Variants in MAGI2 observed in about 807,000 individuals in gnomAD.
MAGI2 encodes the protein membrane-associated guanylate kinase, WW and PDZ domain-containing protein 2.
In MAGI2, 35 loss-of-function variants were observed where a neutral mutation model predicts 133.3. The ratio of observed to expected loss-of-function variants is 0.26; its 90% CI spans 0.20 to 0.35. MAGI2 has a LOEUF of 0.35. MAGI2 is among the 10% of genes least tolerant of loss of function. MAGI2 has a pLI of 1.00. For synonymous variants in MAGI2, 729 were observed against 710.6 expected, an observed-to-expected ratio of 1.03 and a Z score of -0.41; for missense variants, 1,636 against 1,863.4, an observed-to-expected ratio of 0.88 and a Z score of 2.25.
chr7:78,438,192 A>T (rs1191220862), intron 6 of MAGI2, among the ~76,000 whole-genome samples: 2 of 152,122 alleles, frequency 1.3e-5, no homozygotes, highest in Non-Finnish European at 2.9e-5. Context: ...TATTCTGATA[A>T]ACTCTATACT....
chr7:78,905,913 T>C (rs1797962881), intron 2 of MAGI2, among the ~76,000 whole-genome samples: 1 of 152,012 alleles, frequency 6.6e-6, no homozygotes, highest in Admixed American at 6.6e-5. Context: ...AAAGATACCA[T>C]AAAGAAAAGT....
chr7:78,917,709 C>A (rs886272755), intron 2 of MAGI2, among the ~76,000 whole-genome samples: 13 of 152,104 alleles, frequency 8.5e-5, no homozygotes, highest in African/African-American at 3.1e-4. Flanking sequence ...AGTCATGGGC[C>A]ACTTACATAT....
intron 2 of MAGI2, among the ~76,000 whole-genome samples, chr7:78,970,221 C>G (rs924936337): frequency 1.3e-5 from 2 of 152,026 alleles, no homozygotes; most frequent in African/African-American, 4.8e-5. Flanking sequence ...GGTTATAAAT[C>G]ACTAATGAAT....
At chr7:79,353,524 T>C in intron 1 of MAGI2, 1 of 454,778 alleles carries the variant, frequency 2.2e-6, no homozygotes, top group Admixed American at 2.3e-5. Flanking sequence ...AATCATCTCC[T>C]GCAGCTATGG....
At position 78,707,221 on chromosome 7, in the gene MAGI2, T is replaced by A. The variant is rs148943099; in HGVS notation, c.419-79982A>T. 1.8e-4 allele frequency among the ~76,000 whole-genome samples: 27 copies of A among 152,076 alleles called. No individual in the cohort carries two copies. In the East Asian group the frequency reaches 3.7e-3, roughly 21 times the overall value. On this transcript the variant is annotated intron_variant, in intron 2 of 21. Transcript: ENST00000354212. Reference sequence around the variant, plus strand: ...TAGCAAAGAATAAAAGAACCACCCATTAGACCAAGGGAAGGGAAAAAAATG... The same window carrying A: ...TAGCAAAGAATAAAAGAACCACCCAATAGACCAAGGGAAGGGAAAAAAATG...
chr7:78,298,064 T>C (rs1021714350), intron 9 of MAGI2, among the ~76,000 whole-genome samples: 1 of 152,086 alleles, frequency 6.6e-6, no homozygotes, highest in Non-Finnish European at 1.5e-5. Context: ...ATACTTTCGA[T>C]ATGATGTGAT....
chr7:79,136,139 G>A (rs1274310786), intron 1 of MAGI2, among the ~76,000 whole-genome samples: 2 of 149,918 alleles, frequency 1.3e-5, no homozygotes, highest in African/African-American at 2.5e-5. Flanking sequence ...GACACAAAAG[G>A]CACTGTATAC....
chr7:78,491,121 A>G (rs1793564930), intron 5 of MAGI2, among the ~76,000 whole-genome samples: 1 of 152,120 alleles, frequency 6.6e-6, no homozygotes, highest in South Asian at 2.1e-4. Flanking sequence ...TAGCTAGATA[A>G]TCTGATAAAC....
Position 78,019,758 on chromosome 7 carries a change from G to A in MAGI2, c.3925C>T (p.Arg1309Cys). 6 of 1,612,166 alleles carry A rather than the reference G, an allele frequency of 3.7e-6. No individual in the cohort carries two copies. The highest frequency in any genetic ancestry group is 1.3e-5 in the African/African-American group (1 of 74,932). ...GAGCGCTCCCTCTGCTCCCCGAGGC[G>A]CTGCTTCTTCTGGCCGCAGGCTGAA... ...ELSACGQKKQ[R>C]LGEQRERSAS... The change falls in exon 22 of 22, where the codon CGC becomes TGC. Residue 1309 changes from arginine (R) to cysteine (C), a missense_variant. Physicochemically the swap from Arg to Cys is radical, Grantham distance 180. Coordinates refer to ENST00000354212, the MANE Select transcript of MAGI2 (RefSeq NM_012301.4).
chr7:79,199,353 T>C (rs999405160), intron 1 of MAGI2, among the ~76,000 whole-genome samples: 1 of 152,030 alleles, frequency 6.6e-6, no homozygotes, highest in African/African-American at 2.4e-5. Flanking sequence ...CGCTTCCTAC[T>C]AAGATTATAC....
chr7:78,166,443 A>C (rs1825632417), intron 15 of MAGI2, among the ~76,000 whole-genome samples: 1 of 152,230 alleles, frequency 6.6e-6, no homozygotes, highest in African/African-American at 2.4e-5. Context: ...CCCAAGGATA[A>C]GGCATAATTT....
Position 78,171,897 on chromosome 7 carries a change from G to GT in MAGI2, c.2404-3790dup, listed in dbSNP as rs1265168548. Among the ~76,000 whole-genome samples the GT allele has an allele frequency of 8.4e-3, 750 of 88,776 alleles. 3 individuals carry two copies. The highest frequency in any genetic ancestry group is 0.016 in the Admixed American group (133 of 8,224). The allele number at this position is 88,776 out of a possible 152,430, so 58.2% of individuals were successfully genotyped here. A position where few individuals can be genotyped will look rare whatever the true frequency, so the allele number is the denominator to read the frequency against. On this transcript the variant is annotated intron_variant, in intron 14 of 21. Transcript: ENST00000354212. ...TGGAGGAGGGTTTTTTTGTTTGTTTGTTTGTTTTTTTTTCCCTATCCCCAT... is the reference window on the plus strand; with the variant it reads ...TGGAGGAGGGTTTTTTTGTTTGTTTGTTTTGTTTTTTTTTCCCTATCCCCAT...
At chr7:79,210,619 T>C (rs1259438499) in intron 1 of MAGI2, among the ~76,000 whole-genome samples, 1 of 152,030 alleles carries the variant, frequency 6.6e-6, no homozygotes, top group Non-Finnish European at 1.5e-5. Flanking sequence ...ATGGGAAATG[T>C]CCCAGCACTA....
At chr7:78,594,823 C>T (rs1584776581) in intron 3 of MAGI2, among the ~76,000 whole-genome samples, 2 of 152,150 alleles carry the variant, frequency 1.3e-5, no homozygotes, top group South Asian at 4.1e-4. Flanking sequence ...AAGGAGCTCC[C>T]CAAACCTCCA....
At chr7:78,984,988 C>A (rs1016568864) in intron 2 of MAGI2, among the ~76,000 whole-genome samples, 2 of 148,872 alleles carry the variant, frequency 1.3e-5, no homozygotes, top group African/African-American at 4.9e-5. Flanking sequence ...CTCTTTCTTT[C>A]TTCTTTCCTT....
intron 9 of MAGI2, among the ~76,000 whole-genome samples, chr7:78,259,591 C>G (rs1290437889): frequency 6.6e-6 from 1 of 152,240 alleles, no homozygotes; most frequent in Admixed American, 6.5e-5. Context: ...ATATTCCCAC[C>G]ACAGTTACAG....
At chr7:78,255,162 G>A (rs1293022663) in intron 10 of MAGI2, 1 of 152,298 alleles carries the variant, frequency 6.6e-6, no homozygotes, top group Non-Finnish European at 1.5e-5. Flanking sequence ...TGTGGAGAAG[G>A]GGCCCTGTGC....
intron 9 of MAGI2, among the ~76,000 whole-genome samples, chr7:78,272,465 C>G (rs563515696): frequency 1.0e-3 from 152 of 152,146 alleles, no homozygotes; most frequent in South Asian, 5.8e-3. Flanking sequence ...TCTGCTTGGT[C>G]CAGAGCTGAG....
chr7:78,420,808 T>C (rs1798725811), intron 6 of MAGI2, among the ~76,000 whole-genome samples: 1 of 152,176 alleles, frequency 6.6e-6, no homozygotes, highest in African/African-American at 2.4e-5. Flanking sequence ...GGCCATGTAA[T>C]TTGAGTAACC....
Sources: allele counts gnomAD v4.1 joint callset (sites outside exome capture counted in the v4.1 genomes callset), GRCh38; gene constraint gnomAD v4.1.1; transcripts MANE v1.5; gene names NCBI Gene and HGNC (gene_info 2026-07-23, HGNC 2026-07-21).